BABAM2: variants seen among roughly 807,000 people sequenced by gnomAD.
BABAM2 encodes the protein BRISC and BRCA1-A complex member 2.
In BABAM2, 31 loss-of-function variants were observed where a neutral mutation model predicts 54.7. That is an observed-to-expected ratio of 0.57 (90% confidence interval 0.43 to 0.77). BABAM2 has a LOEUF of 0.77. Among genes scored for constraint, BABAM2 ranks in the 30% least tolerant of loss-of-function variants. BABAM2 has a pLI of 0.00. For synonymous variants in BABAM2, 167 were observed against 162.9 expected (o/e 1.03, Z -0.19); for missense variants, 364 against 455.8 (o/e 0.80, Z 1.83).
intron 10 of BABAM2, among the ~76,000 whole-genome samples, chr2:28,280,631 G>A (rs1362421385): frequency 1.3e-5 from 2 of 152,256 alleles, no homozygotes; most frequent in East Asian, 1.9e-4. Flanking sequence ...CTCTAGACCT[G>A]GGGTTCACAC....
At chr2:28,262,749 T>A (rs1395826388) in intron 10 of BABAM2, among the ~76,000 whole-genome samples, 1 of 151,930 alleles carries the variant, frequency 6.6e-6, no homozygotes, top group Non-Finnish European at 1.5e-5. Flanking sequence ...AGAACAAAGG[T>A]GTGGTGGAGG....
At chr2:28,194,166 G>A (rs1431281476) in intron 7 of BABAM2, among the ~76,000 whole-genome samples, 1 of 152,166 alleles carries the variant, frequency 6.6e-6, no homozygotes, top group East Asian at 1.9e-4. Flanking sequence ...CCTGGTCAGT[G>A]AGAGGGAAGT....
At chr2:28,268,007 T>C (rs919358631) in intron 10 of BABAM2, among the ~76,000 whole-genome samples, 2 of 152,166 alleles carry the variant, frequency 1.3e-5, no homozygotes, top group Admixed American at 6.5e-5. Context: ...ACTGTATCTA[T>C]ACACAATAAA....
intron 2 of BABAM2, among the ~76,000 whole-genome samples, chr2:27,901,848 T>C (rs890123847): frequency 1.3e-5 from 2 of 152,262 alleles, no homozygotes; most frequent in African/African-American, 4.8e-5. Context: ...CTTCATACTT[T>C]ATGTATTCAT....
chr2:28,263,324 A>G (rs1684701275), intron 10 of BABAM2, among the ~76,000 whole-genome samples: 2 of 152,184 alleles, frequency 1.3e-5, no homozygotes, highest in Admixed American at 6.5e-5. Flanking sequence ...AGGTTGGGCT[A>G]CTTATTATCC....
chr2:28,338,579 C>A lies in BABAM2; in HGVS notation c.*66C>A. 6.4e-7 allele frequency: 1 copy of A among 1,573,840 alleles called. No individual in the cohort carries two copies. The highest frequency in any genetic ancestry group is 1.1e-5 in the South Asian group (1 of 89,934). ...CCACATGCGTGTCAGCACATACAGCCGCTTCCTGGAAGCCGCCTGGAATGT... is the reference window on the plus strand; with the variant it reads ...CCACATGCGTGTCAGCACATACAGCAGCTTCCTGGAAGCCGCCTGGAATGT... On this transcript the variant is annotated 3_prime_UTR_variant, in exon 12 of 12. Transcript: ENST00000379624.
intron 3 of BABAM2, among the ~76,000 whole-genome samples, chr2:27,942,381 G>A (rs1183452513): frequency 6.6e-6 from 1 of 151,670 alleles, no homozygotes. Flanking sequence ...ATTTTTTTGA[G>A]ACAGGGTCTC....
At chr2:28,051,839 G>C (rs1184487640) in intron 6 of BABAM2, among the ~76,000 whole-genome samples, 3 of 151,604 alleles carry the variant, frequency 2.0e-5, no homozygotes, top group Non-Finnish European at 4.4e-5. Flanking sequence ...TAATAGAGAG[G>C]GGATTTTGCC....
intron 10 of BABAM2, among the ~76,000 whole-genome samples, chr2:28,274,963 G>A (rs113558399): frequency 0.017 from 2,606 of 152,294 alleles, 67 homozygotes; most frequent in African/African-American, 0.059. Flanking sequence ...TCCACTGCAG[G>A]GGGTGGCTGC....
At chr2:28,299,653 A>G (rs1222059667) in intron 11 of BABAM2, among the ~76,000 whole-genome samples, 2 of 152,196 alleles carry the variant, frequency 1.3e-5, no homozygotes, top group Non-Finnish European at 2.9e-5. Flanking sequence ...AACGAATTAG[A>G]AATTGTCCCT....
chr2:27,992,076 C>A (rs765525231), intron 4 of BABAM2, among the ~76,000 whole-genome samples: 1 of 152,096 alleles, frequency 6.6e-6, no homozygotes, highest in East Asian at 1.9e-4. Context: ...GTATCTCATA[C>A]CCACAAATGA....
intron 5 of BABAM2, among the ~76,000 whole-genome samples, chr2:28,037,401 T>C (rs994982241): frequency 1.3e-5 from 2 of 152,242 alleles, no homozygotes; most frequent in South Asian, 2.1e-4. Context: ...TCCCTCATTC[T>C]TTTTTTACAA....
At chr2:28,047,280 A>G (rs2148614660) in intron 6 of BABAM2, among the ~76,000 whole-genome samples, 1 of 152,324 alleles carries the variant, frequency 6.6e-6, no homozygotes, top group South Asian at 2.1e-4. Context: ...GGCAATTACT[A>G]TGCTCTATTA....
chr2:28,327,815 A>T (rs1690608050), intron 11 of BABAM2, among the ~76,000 whole-genome samples: 2 of 152,198 alleles, frequency 1.3e-5, no homozygotes, highest in Admixed American at 1.3e-4. Context: ...AAGCCTTTGC[A>T]TCTCAAGTTT....
chr2:27,972,400 GTAT>G (rs1671282628), intron 3 of BABAM2, among the ~76,000 whole-genome samples: 1 of 152,200 alleles, frequency 6.6e-6, no homozygotes, highest in African/African-American at 2.4e-5. Flanking sequence ...ACAGAGTGTG[GTAT>G]CTAATGAGGC....
chr2:27,919,037 T>G (rs1399539189), intron 2 of BABAM2, among the ~76,000 whole-genome samples: 1 of 152,242 alleles, frequency 6.6e-6, no homozygotes, highest in Non-Finnish European at 1.5e-5. Context: ...TGTTCATTTA[T>G]TTGTTTACTT....
At chr2:28,166,493 T>C (rs1281665896) in intron 7 of BABAM2, among the ~76,000 whole-genome samples, 1 of 152,196 alleles carries the variant, frequency 6.6e-6, no homozygotes, top group African/African-American at 2.4e-5. Flanking sequence ...TTTGGACCGC[T>C]TCACTTTGGT....
At chr2:28,271,989 G>T (rs76091394) in intron 10 of BABAM2, among the ~76,000 whole-genome samples, 1 of 152,216 alleles carries the variant, frequency 6.6e-6, no homozygotes, top group African/African-American at 2.4e-5. Flanking sequence ...GAGAGATGTG[G>T]TAGATACAAA....
At chr2:28,124,889 C>T (rs1669372939) in intron 6 of BABAM2, among the ~76,000 whole-genome samples, 1 of 152,124 alleles carries the variant, frequency 6.6e-6, no homozygotes, top group Admixed American at 6.5e-5. Context: ...GAGTTATTGA[C>T]CGGATTTAAC....
Sources: allele counts gnomAD v4.1 joint callset (sites outside exome capture counted in the v4.1 genomes callset), GRCh38; gene constraint gnomAD v4.1.1; transcripts MANE v1.5; gene names NCBI Gene and HGNC (gene_info 2026-07-23, HGNC 2026-07-21).